The following SLC35F4 variants were observed in gnomAD, a reference collection of about 807,000 sequenced individuals.
SLC35F4 encodes chromosome 14 open reading frame 36.
Under a neutral mutation model 44.2 loss-of-function variants are expected in SLC35F4, and 24 were observed. The ratio of observed to expected loss-of-function variants is 0.54; its 90% CI spans 0.39 to 0.76. The LOEUF (loss-of-function observed/expected upper bound fraction) is 0.76. SLC35F4 is among the 30% of genes least tolerant of loss of function. The pLI is 0.00. For missense variants in SLC35F4, 562 were observed against 586.1 expected (o/e 0.96, Z 0.42); for synonymous variants, 238 against 223.6 (o/e 1.06, Z -0.57).
intron 1 of SLC35F4, among the ~76,000 whole-genome samples, chr14:57,897,889 C>CA (rs890451072): frequency 6.6e-6 from 1 of 152,052 alleles, no homozygotes; most frequent in African/African-American, 2.4e-5. Context: ...CAGTGAGTCT[C>CA]ATTTAGAAGT....
In SLC35F4 at chr14:57,646,638, C is replaced by T. The variant is rs111777878; in HGVS notation, c.104-52514G>A. Among the ~76,000 whole-genome samples, 352 of 151,968 alleles carry T rather than the reference C, an allele frequency of 2.3e-3. 1 individual carries two copies. The highest frequency in any genetic ancestry group is 7.9e-3 in the African/African-American group (328 of 41,366). Reference sequence around the variant, plus strand: ...CTATTTCCTTCAGTTCTGCTCTGATCTTAGTTATTTCTCACCTTCTGTTCG... The same window carrying T: ...CTATTTCCTTCAGTTCTGCTCTGATTTTAGTTATTTCTCACCTTCTGTTCG... On this transcript the variant is annotated intron_variant, in intron 1 of 7. Transcript: ENST00000556826.
At chr14:57,888,413 G>A (rs1478976927) in intron 1 of SLC35F4, among the ~76,000 whole-genome samples, 1 of 152,170 alleles carries the variant, frequency 6.6e-6, no homozygotes, top group Non-Finnish European at 1.5e-5. Flanking sequence ...TCTGGGACCA[G>A]AAAGACAGGT....
chr14:57,721,185 G>T (rs1010481342), intron 1 of SLC35F4, among the ~76,000 whole-genome samples: 2 of 151,606 alleles, frequency 1.3e-5, no homozygotes, highest in Non-Finnish European at 2.9e-5. Context: ...TGCTTAATAT[G>T]ATTAGAACCA....
At chr14:57,624,294 T>C (rs1373014462) in intron 1 of SLC35F4, among the ~76,000 whole-genome samples, 1 of 152,156 alleles carries the variant, frequency 6.6e-6, no homozygotes, top group Non-Finnish European at 1.5e-5. Flanking sequence ...GTTCTGAAAT[T>C]GAAGCAGTAA....
At chr14:57,858,124 A>G (rs1266693644) in intron 1 of SLC35F4, among the ~76,000 whole-genome samples, 1 of 152,036 alleles carries the variant, frequency 6.6e-6, no homozygotes, top group Non-Finnish European at 1.5e-5. Flanking sequence ...CAGTGTGGTG[A>G]TTCCTCAAGG....
intron 1 of SLC35F4, among the ~76,000 whole-genome samples, chr14:57,725,484 A>C (rs554162311): frequency 6.6e-6 from 1 of 152,312 alleles, no homozygotes; most frequent in African/African-American, 2.4e-5. Context: ...CCTATCCTGC[A>C]TGCAATGCTT....
chr14:57,884,198 T>A (rs894012325), intron 1 of SLC35F4, among the ~76,000 whole-genome samples: 1 of 152,206 alleles, frequency 6.6e-6, no homozygotes, highest in Non-Finnish European at 1.5e-5. Context: ...TCTAGACACT[T>A]CTTGTTTTCA....
intron 1 of SLC35F4, among the ~76,000 whole-genome samples, chr14:57,945,770 G>A (rs1269290008): frequency 6.6e-6 from 1 of 151,970 alleles, no homozygotes; most frequent in Admixed American, 6.5e-5. Flanking sequence ...TTCACCACCT[G>A]CATGCCAACA....
At chr14:57,611,758 G>A (rs1298141774) in intron 1 of SLC35F4, among the ~76,000 whole-genome samples, 4 of 152,134 alleles carry the variant, frequency 2.6e-5, no homozygotes, top group African/African-American at 9.7e-5. Flanking sequence ...GAAGGAAGAG[G>A]AATGGAGGCA....
At chr14:57,590,226 C>CAAAAAAAAAAAAAAA (rs55850524) in intron 2 of SLC35F4, among the ~76,000 whole-genome samples, 2 of 119,178 alleles carry the variant, frequency 1.7e-5, no homozygotes, top group Non-Finnish European at 1.7e-5. Flanking sequence ...CTTGTCTATG[C>CAAAAAAAAAAAAAAA]AAAAAAAAAA....
intron 1 of SLC35F4, among the ~76,000 whole-genome samples, chr14:57,756,793 C>T (rs561868718): frequency 2.4e-4 from 37 of 151,680 alleles, no homozygotes; most frequent in Middle Eastern, 3.4e-3. Context: ...TAGTTGGGAC[C>T]GCAGGCATGC....
At chr14:57,870,955 A>G (rs1173290775), upstream of SLC35F4, among the ~76,000 whole-genome samples, 1 of 152,252 alleles carries the variant, frequency 6.6e-6, no homozygotes, top group African/African-American at 2.4e-5. Flanking sequence ...GCTCAAGATC[A>G]GCAGCTCTTC....
rs17093696 is a variant in SLC35F4 at position 57,811,770 on chromosome 14, A to G, written c.103+53953T>C. 0.014 allele frequency among the ~76,000 whole-genome samples: 2,167 copies of G among 152,324 alleles called. 280 individuals are homozygous for G. The East Asian group carries it at 0.33, about 23-fold the overall frequency. On this transcript the variant is annotated intron_variant, in intron 1 of 7. Transcript: ENST00000556826. ...CAGTAAACGTTCTCCAATTTAAATA[A>G]TAAGTTTGAGACTAGCCTGGGCATC...
intron 3 of SLC35F4, among the ~76,000 whole-genome samples, chr14:57,586,835 G>A (rs975326021): frequency 1.3e-5 from 2 of 148,932 alleles, no homozygotes; most frequent in Non-Finnish European, 3.0e-5. Context: ...CTTCTGCACA[G>A]CAAAAGAAAC....
intron 1 of SLC35F4, among the ~76,000 whole-genome samples, chr14:57,795,401 A>C (rs922900043): frequency 1.3e-5 from 2 of 152,220 alleles, no homozygotes; most frequent in Non-Finnish European, 2.9e-5. Context: ...CCTAATGTGC[A>C]TAAGGAAGGA....
chr14:57,937,551 GAAGGA>G (rs1382814274), intron 1 of SLC35F4, among the ~76,000 whole-genome samples: 2 of 131,978 alleles, frequency 1.5e-5, no homozygotes, highest in Non-Finnish European at 1.6e-5. Context: ...CAGAAGGAAG[GAAGGA>G]AAGAAAAGAA....
chr14:57,841,712 G>A (rs943988341), intron 1 of SLC35F4, among the ~76,000 whole-genome samples: 3 of 152,130 alleles, frequency 2.0e-5, no homozygotes, highest in Non-Finnish European at 4.4e-5. Flanking sequence ...AAATTTGGCA[G>A]TGGAGATTAT....
At chr14:57,567,226 T>G (rs1401014867) in intron 6 of SLC35F4, among the ~76,000 whole-genome samples, 2 of 152,218 alleles carry the variant, frequency 1.3e-5, no homozygotes, top group African/African-American at 4.8e-5. Flanking sequence ...TTAGTTAAAA[T>G]AATCATTTAT....
At chr14:57,728,428 T>G (rs987943595) in intron 1 of SLC35F4, among the ~76,000 whole-genome samples, 3 of 116,420 alleles carry the variant, frequency 2.6e-5, no homozygotes, top group Non-Finnish European at 5.2e-5. Context: ...TTTTTCTTCT[T>G]TTTTCTTTCT....
Sources: allele counts gnomAD v4.1 joint callset (sites outside exome capture counted in the v4.1 genomes callset), GRCh38; gene constraint gnomAD v4.1.1; transcripts MANE v1.5; gene names NCBI Gene and HGNC (gene_info 2026-07-23, HGNC 2026-07-21).